The following MYBPC3 variants were observed in gnomAD, a reference collection of about 807,000 sequenced individuals.
MYBPC3 encodes the protein myosin-binding protein C, cardiac-type.
A neutral mutation model predicts 159.3 loss-of-function variants in MYBPC3; 108 were observed. That is an observed-to-expected ratio of 0.68 (90% CI 0.58 to 0.80). MYBPC3 has a LOEUF of 0.80. Ranked by LOEUF, MYBPC3 falls within the 30% of genes least tolerant of loss-of-function variation. MYBPC3 has a pLI of 0.00. For synonymous variants in MYBPC3, 730 were observed against 702.0 expected, an observed-to-expected ratio of 1.04 and a Z score of -0.63; for missense variants, 1,631 against 1,762.1, an observed-to-expected ratio of 0.93 and a Z score of 1.33.
In MYBPC3 at chr11:47,339,554, G is replaced by A. The variant is rs1004010113; in HGVS notation, c.2067+97C>T. ...CCCATGGGGTAGCCAACAGCAGGGC[G>A]TGCACATGTGGGTGGGGTGTGCAGC... On this transcript the variant is annotated intron_variant, in intron 21 of 34. Transcript: ENST00000545968. 4.3e-5 allele frequency: 63 copies of A among 1,476,500 alleles called. 1 individual carries two copies. The highest frequency in any genetic ancestry group is 3.6e-4 in the Middle Eastern group (2 of 5,574). 91.5% of individuals were successfully genotyped at this position (1,476,500 alleles called of 1,614,324 possible).
At position 47,350,550 on chromosome 11, in the gene MYBPC3, C is replaced by A; in HGVS notation, c.358G>T (p.Ala120Ser). The A allele has an allele frequency of 6.4e-7, 1 of 1,552,140 alleles. No homozygotes were observed. The highest frequency in any genetic ancestry group is 1.4e-5 in the African/African-American group (1 of 71,972). Reference sequence around the variant, plus strand: ...CCCAGCTCAGCGGCTGGGGCCGGGGCTTCTCCAGGGGCTCCAGTGGCCTCA... The same window carrying A: ...CCCAGCTCAGCGGCTGGGGCCGGGGATTCTCCAGGGGCTCCAGTGGCCTCA... ...PAEATGAPGEAPAPAAELGES... is the reference protein window; with the variant it reads ...PAEATGAPGESPAPAAELGES... The change falls in exon 3 of 35, where the codon GCC becomes TCC. Residue 120 changes from alanine to serine, a missense_variant. Transcript: ENST00000545968.
rs1480308279 is a variant in MYBPC3 at position 47,346,376 on chromosome 11, T to C, written c.927-6A>G. ...GTGCCTCCAGCTTCGAGTCCCTGTG[T>C]CCCGCAGTCTAGGCTGTGGCCGGGG... On this transcript the variant is annotated splice_region_variant and splice_polypyrimidine_tract_variant and intron_variant, in intron 11 of 34. Transcript: ENST00000545968. The surrounding 1 kb of genome is among the most constrained non-coding windows in gnomAD (Gnocchi z 5.3). 1 of 1,570,950 alleles carries C rather than the reference T, an allele frequency of 6.4e-7. No homozygotes were observed. The highest frequency in any genetic ancestry group is 1.8e-5 in the Admixed American group (1 of 54,912).
At chr11:47,347,318 C>A in intron 9 of MYBPC3, 108 bp downstream of exon 9, 1 of 1,541,710 alleles carries the variant, frequency 6.5e-7, no homozygotes. Flanking sequence ...GAAACCAACT[C>A]AGAGAGGTGC....
chr11:47,349,687 G>T, intron 5 of MYBPC3, 87 bp downstream of exon 5: 1 of 1,491,896 alleles, frequency 6.7e-7, no homozygotes, highest in Non-Finnish European at 8.9e-7. Context: ...GTGCCTCTGG[G>T]TCTCATGGTG....
At chr11:47,340,275 A>C (rs768703166) in intron 20 of MYBPC3, among the ~76,000 whole-genome samples, 1 of 152,128 alleles carries the variant, frequency 6.6e-6, no homozygotes, top group Non-Finnish European at 1.5e-5. Flanking sequence ...ACACAGACAC[A>C]TGCACACACA....
chr11:47,347,937 G>A, intron 6 of MYBPC3, 32 bp from the exon 7 acceptor site: 1 of 1,559,060 alleles, frequency 6.4e-7, no homozygotes, highest in East Asian at 2.4e-5. Context: ...ATGGGGGAAG[G>A]GGCTTCAGAG....
At chr11:47,333,887 C>T in intron 28 of MYBPC3, 35 bp downstream of exon 28, 1 of 1,557,358 alleles carries the variant, frequency 6.4e-7, no homozygotes, top group Non-Finnish European at 8.7e-7. Flanking sequence ...TATAGCCTCT[C>T]TCCCCTGGGG....
rs572304970 is a variant in MYBPC3 at position 47,332,537 on chromosome 11, G to A, written c.3627+29C>T. The A allele has an allele frequency of 1.3e-5, 21 of 1,590,846 alleles. No homozygotes were observed. The Admixed American group carries it at 1.4e-4, about 10-fold the overall frequency. ...GGCCTGTGAGCCCTGCCTCCTGGTC[G>A]GCCTGGACCAGCGCCTAAAGTTCCC... is the stretch of plus-strand genomic sequence containing the variant. On this transcript the variant is annotated intron_variant, in intron 32 of 34. Transcript: ENST00000545968. This position sits in a 1 kb window ranked among gnomAD's most constrained non-coding sequence, Gnocchi z 4.2.
At chr11:47,348,284 C>G (rs1471092101) in intron 6 of MYBPC3, 140 bp downstream of exon 6, 15 of 674,272 alleles carry the variant, frequency 2.2e-5, no homozygotes, top group Middle Eastern at 2.5e-4. Context: ...CTCTCACACC[C>G]TGTGTGTGCA....
chr11:47,342,932 G>A lies in MYBPC3; in HGVS notation c.1355C>T (p.Pro452Leu). ...CAAGGGGCGCGTGATGAGCACAGGG[G>A]GCTCTGTCCAGGCAGGGTGAGCATG... ...KCSTELFVKE[P>L]PVLITRPLED... Residue 452 changes from proline to leucine, a missense_variant, in exon 16 of 35, where the codon CCC becomes CTC. By Grantham distance (98) the Pro-to-Leu change is moderately conservative. Transcript: ENST00000545968. 6.2e-7 allele frequency: 1 copy of A among 1,611,400 alleles called. No individual in the cohort carries two copies. Among genetic ancestry groups the A allele is most frequent in the East Asian group, 2.2e-5 (1 of 44,794 alleles).
intron 17 of MYBPC3, 140 bp from the exon 18 acceptor site, chr11:47,342,296 G>T: frequency 8.6e-7 from 1 of 1,168,486 alleles, no homozygotes; most frequent in Non-Finnish European, 1.2e-6. Context: ...GTGTGCCTGT[G>T]TGTGCCATGT....
At chr11:47,348,092 G>A (rs559239383) in intron 6 of MYBPC3, among the ~76,000 whole-genome samples, 187 bp from the exon 7 acceptor site, 4 of 152,190 alleles carry the variant, frequency 2.6e-5, no homozygotes, top group Admixed American at 6.5e-5. Flanking sequence ...CAGGTGGGAC[G>A]GTTTATTGTC....
Position 47,332,011 on chromosome 11 carries a change from A to T in MYBPC3, c.3814+61T>A, listed in dbSNP as rs2095877374. The T allele has an allele frequency of 1.9e-6, 3 of 1,597,414 alleles. No individual in the cohort carries two copies. Among genetic ancestry groups the T allele is most frequent in the Non-Finnish European group, 2.6e-6 (3 of 1,171,406 alleles). On this transcript the variant is annotated intron_variant, in intron 33 of 34. Coordinates refer to ENST00000545968, the MANE Select transcript of MYBPC3 (RefSeq NM_000256.3). This position sits in a 1 kb window ranked among gnomAD's most constrained non-coding sequence, Gnocchi z 4.2. ...GGCCGAGGACAACGGAGCAAAGCCC[A>T]GGGTCCCCACTGCCGCCCGCTCTTC...
Position 47,348,450 on chromosome 11 carries a change from C to T in MYBPC3, c.746G>A (p.Cys249Tyr), listed in dbSNP as rs780085082. ...CEVSTKDKFD[C>Y]SNFNLTVHEA... ...GTGGACAGTGAGATTGAAGTTGGAG[C>T]AGTCAAATTTGTCCTTGGTGGACAC... The change falls in exon 6 of 35, where the codon TGC becomes TAC. Residue 249 changes from cysteine to tyrosine, a missense_variant. Cys to Tyr is a radical substitution (Grantham distance 194). Transcript: ENST00000545968. 1.9e-6 allele frequency: 3 copies of T among 1,612,818 alleles called. No individual in the cohort carries two copies. Among genetic ancestry groups the T allele is most frequent in the South Asian group, 1.1e-5 (1 of 90,882 alleles).
At chr11:47,341,904 T>C in intron 18 of MYBPC3, 87 bp downstream of exon 18, 1 of 1,503,194 alleles carries the variant, frequency 6.7e-7, no homozygotes, top group Non-Finnish European at 9.0e-7. Context: ...CACCTGTCTT[T>C]ATCTCTCTCT....
At position 47,338,680 on chromosome 11, in the gene MYBPC3, C is replaced by T. The variant is rs727504334; in HGVS notation, c.2149-1G>A. 6.2e-7 allele frequency: 1 copy of T among 1,608,902 alleles called. No homozygotes were observed. The highest frequency in any genetic ancestry group is 1.7e-5 in the Admixed American group (1 of 59,628). ...CCCGGCCCTCGGTCTCACACAGCAG[C>T]TGGGGGGGTGCAGAGTTGGGGTGAG... On this transcript the variant is annotated splice_acceptor_variant, in intron 22 of 34. Coordinates refer to ENST00000545968, the MANE Select transcript of MYBPC3 (RefSeq NM_000256.3). LOFTEE classifies it high-confidence loss of function. The surrounding 1 kb of genome is among the most constrained non-coding windows in gnomAD (Gnocchi z 4.7).
At position 47,351,413 on chromosome 11, in the gene MYBPC3, C is replaced by A; in HGVS notation, c.118G>T (p.Val40Leu). ...EAETERAGVK[V>L]RWQRGGSDIS... ...TCACTGCCTCCGCGCTGCCAGCGCACCTTCACTCCTGCCCGCTCTGTCTCG... is the reference window on the plus strand; with the variant it reads ...TCACTGCCTCCGCGCTGCCAGCGCAACTTCACTCCTGCCCGCTCTGTCTCG... The change falls in exon 2 of 35, where the codon GTG becomes TTG. Residue 40 changes from valine to leucine, a missense_variant. Transcript: ENST00000545968. This position sits in a 1 kb window ranked among gnomAD's most constrained non-coding sequence, Gnocchi z 4.2. 1.2e-6 allele frequency: 2 copies of A among 1,610,334 alleles called. No individual in the cohort carries two copies. Among genetic ancestry groups the A allele is most frequent in the Non-Finnish European group, 1.7e-6 (2 of 1,178,888 alleles).
At position 47,341,251 on chromosome 11, in the gene MYBPC3, G is replaced by C. The variant is rs2095888282; in HGVS notation, c.1791-7C>G. 1 of 1,569,202 alleles carries C rather than the reference G, an allele frequency of 6.4e-7. No individual in the cohort carries two copies. Among genetic ancestry groups the C allele is most frequent in the Non-Finnish European group, 8.6e-7 (1 of 1,156,498 alleles). Reference sequence around the variant, plus strand: ...AATGGTCAGTTTGTGGACCCTGCAGGGGAGCAGTGGCTCAGGGGACCCCAC... The same window carrying C: ...AATGGTCAGTTTGTGGACCCTGCAGCGGAGCAGTGGCTCAGGGGACCCCAC... On this transcript the variant is annotated splice_region_variant and splice_polypyrimidine_tract_variant and intron_variant, in intron 18 of 34. Coordinates refer to ENST00000545968, the MANE Select transcript of MYBPC3 (RefSeq NM_000256.3).
chr11:47,348,662 G>T (rs1023716799), intron 5 of MYBPC3, 121 bp from the exon 6 acceptor site: 1 of 658,856 alleles, frequency 1.5e-6, no homozygotes, highest in Non-Finnish European at 2.5e-6. Context: ...TCCCCACTTT[G>T]GGAGGCTGAG....
Sources: allele counts gnomAD v4.1 joint callset (sites outside exome capture counted in the v4.1 genomes callset), GRCh38; gene constraint gnomAD v4.1.1; non-coding constraint Gnocchi (gnomAD v3.1); transcripts MANE v1.5; gene names NCBI Gene and HGNC (gene_info 2026-07-23, HGNC 2026-07-21).